GRM7: variants seen among roughly 807,000 people sequenced by gnomAD.
GRM7 encodes the protein glutamate metabotropic receptor 7.
GRM7 carries 35 observed loss-of-function variants against 84.5 expected under a neutral mutation model. The ratio of observed to expected loss-of-function variants is 0.41; its 90% confidence interval spans 0.32 to 0.55. The LOEUF (loss-of-function observed/expected upper bound fraction) is 0.55. GRM7 is among the 20% of genes least tolerant of loss of function. GRM7 has a pLI of 0.19. For synonymous variants in GRM7, 487 were observed against 455.1 expected (o/e 1.07, Z -0.89); for missense variants, 1,003 against 1,194.6 (o/e 0.84, Z 2.36).
intron 1 of GRM7, among the ~76,000 whole-genome samples, chr3:7,043,414 C>T (rs1696699576): frequency 6.6e-6 from 1 of 152,204 alleles, no homozygotes; most frequent in African/African-American, 2.4e-5. Context: ...ACAGCTTAGA[C>T]ACCCTTTCCA....
intron 1 of GRM7, among the ~76,000 whole-genome samples, chr3:7,038,694 C>G (rs778778449): frequency 3.0e-4 from 46 of 152,266 alleles, no homozygotes; most frequent in Admixed American, 4.6e-4. Flanking sequence ...ACATTTGTTA[C>G]AAGCATGGTT....
At chr3:7,214,409 C>T (rs974924433) in intron 2 of GRM7, among the ~76,000 whole-genome samples, 1 of 152,166 alleles carries the variant, frequency 6.6e-6, no homozygotes, top group Admixed American at 6.5e-5. Context: ...AAGACAAAGC[C>T]CCTAAGGCTT....
At chr3:7,132,277 A>G (rs1693627099) in intron 1 of GRM7, among the ~76,000 whole-genome samples, 1 of 152,204 alleles carries the variant, frequency 6.6e-6, no homozygotes, top group Non-Finnish European at 1.5e-5. Context: ...TGTACAAGCT[A>G]CATATTATAT....
intron 7 of GRM7, among the ~76,000 whole-genome samples, chr3:7,516,533 G>T (rs1447969454): frequency 9.0e-6 from 1 of 110,578 alleles, no homozygotes; most frequent in Non-Finnish European, 1.9e-5. Context: ...AATTCTTAAA[G>T]AGAAATGGAA....
intron 2 of GRM7, among the ~76,000 whole-genome samples, chr3:7,176,293 CT>C (rs1359700137): frequency 7.2e-6 from 1 of 138,344 alleles, no homozygotes; most frequent in African/African-American, 2.7e-5. Flanking sequence ...TGCCTGTGGT[CT>C]CAGCTACTCT....
At chr3:7,393,429 G>T (rs1409246693) in intron 4 of GRM7, among the ~76,000 whole-genome samples, 2 of 152,152 alleles carry the variant, frequency 1.3e-5, no homozygotes, top group Non-Finnish European at 2.9e-5. Flanking sequence ...CAGAGCTCTG[G>T]ATGTTTCTCT....
At chr3:7,475,166 A>G (rs114566638) in intron 7 of GRM7, among the ~76,000 whole-genome samples, 12 of 152,340 alleles carry the variant, frequency 7.9e-5, no homozygotes, top group Non-Finnish European at 1.5e-4. Flanking sequence ...GTAAATACAA[A>G]GAAGTCTACG....
intron 9 of GRM7, among the ~76,000 whole-genome samples, chr3:7,724,649 G>T (rs184444502): frequency 6.6e-6 from 1 of 152,132 alleles, no homozygotes; most frequent in Non-Finnish European, 1.5e-5. Context: ...ACAGTCAAAG[G>T]CACCAGTTTT....
chr3:7,485,531 AC>A (rs1450651099), intron 7 of GRM7, among the ~76,000 whole-genome samples: 1 of 152,226 alleles, frequency 6.6e-6, no homozygotes, highest in Non-Finnish European at 1.5e-5. Context: ...CGTTATACAT[AC>A]CTTTTCCTTT....
At chr3:6,939,468 T>C (rs764495806) in intron 1 of GRM7, among the ~76,000 whole-genome samples, 3 of 152,200 alleles carry the variant, frequency 2.0e-5, no homozygotes, top group Non-Finnish European at 4.4e-5. Context: ...CATTGTTATT[T>C]TGGGCACAGA....
At chr3:7,095,269 T>C (rs781303895) in intron 1 of GRM7, among the ~76,000 whole-genome samples, 6 of 152,192 alleles carry the variant, frequency 3.9e-5, no homozygotes, top group Non-Finnish European at 5.9e-5. Context: ...GCAATGAGTC[T>C]CCAGTTCCAC....
chr3:7,127,266 A>T (rs1693433084), intron 1 of GRM7, among the ~76,000 whole-genome samples: 1 of 152,194 alleles, frequency 6.6e-6, no homozygotes, highest in Non-Finnish European at 1.5e-5. Context: ...GAGAAGAGAG[A>T]TTACTTCTCT....
At chr3:6,865,439 A>G (rs1268751790) in intron 1 of GRM7, among the ~76,000 whole-genome samples, 2 of 152,160 alleles carry the variant, frequency 1.3e-5, no homozygotes, top group Non-Finnish European at 2.9e-5. Flanking sequence ...ACACTCCCAG[A>G]GTATAAATTA....
At chr3:7,713,114 A>ATTTTTTTTTTTTTTTTTTTT (rs1165234212) in intron 9 of GRM7, among the ~76,000 whole-genome samples, 2 of 129,854 alleles carry the variant, frequency 1.5e-5, no homozygotes, top group African/African-American at 3.1e-5. Flanking sequence ...GAGGATTCGA[A>ATTTTTTTTTTTTTTTTTTTT]TTTTGTTTTG....
chr3:6,982,569 C>T (rs1180425135), intron 1 of GRM7, among the ~76,000 whole-genome samples: 8 of 151,616 alleles, frequency 5.3e-5, no homozygotes, highest in African/African-American at 1.9e-4. Context: ...TCCATGTAAA[C>T]ATCACCAGAA....
intron 1 of GRM7, among the ~76,000 whole-genome samples, chr3:6,945,460 C>A (rs942952735): frequency 2.0e-5 from 3 of 152,086 alleles, no homozygotes; most frequent in Non-Finnish European, 4.4e-5. Context: ...TCCAGTCTAT[C>A]ATTGTTGGAC....
At chr3:7,729,669 A>C (rs577505069) in intron 9 of GRM7, among the ~76,000 whole-genome samples, 12 of 152,224 alleles carry the variant, frequency 7.9e-5, no homozygotes, top group African/African-American at 2.9e-4. Context: ...ATTTTATAGA[A>C]TATAAGTGCC....
chr3:7,312,711 G>A (rs1700444198), intron 4 of GRM7, among the ~76,000 whole-genome samples: 1 of 151,952 alleles, frequency 6.6e-6, no homozygotes, highest in African/African-American at 2.4e-5. Flanking sequence ...CCTGACCATT[G>A]GGATGGATGA....
At chr3:7,170,792 A>C (rs892001198) in intron 2 of GRM7, among the ~76,000 whole-genome samples, 2 of 152,148 alleles carry the variant, frequency 1.3e-5, no homozygotes, top group Admixed American at 6.6e-5. Flanking sequence ...AAAAAGATTG[A>C]GTTACAAAGG....
Sources: gnomAD v4.1 joint callset for allele counts (sites outside exome capture counted in the v4.1 genomes callset) on GRCh38, gnomAD v4.1.1 for gene constraint, MANE v1.5 for transcripts, NCBI Gene and HGNC (gene_info 2026-07-23, HGNC 2026-07-21) for gene names.